The following GAS6 variants were observed in gnomAD, a reference collection of about 807,000 sequenced individuals.
GAS6 encodes the protein growth arrest specific 6, also known as growth arrest-specific protein 6.
In GAS6, 41 loss-of-function variants were observed where a neutral mutation model predicts 75.8. The observed-to-expected ratio is 0.54, with a 90% CI of 0.42 to 0.70. The LOEUF (loss-of-function observed/expected upper bound fraction) is 0.70, where lower values mean the gene tolerates loss of function less well. Ranked by LOEUF, GAS6 falls within the 30% of genes least tolerant of loss-of-function variation. The pLI, the probability that GAS6 is intolerant of heterozygous loss-of-function variation, is 0.00. For synonymous variants in GAS6, 432 were observed against 412.6 expected, an observed-to-expected ratio of 1.05 and a Z score of -0.57; for missense variants, 854 against 940.2, an observed-to-expected ratio of 0.91 and a Z score of 1.20.
In GAS6 at chr13:113,844,392, G is replaced by A. The variant is rs1214246515; in HGVS notation, c.343+2135C>T. 1.3e-5 allele frequency: 2 copies of A among 150,576 alleles called. No individual in the cohort carries two copies. Among genetic ancestry groups the A allele is most frequent in the East Asian group, 3.9e-4 (2 of 5,194 alleles). 9.3% of individuals were successfully genotyped at this position (150,576 alleles called of 1,614,324 possible). The stretch of plus-strand genomic sequence containing the variant: ...CTCCTCTTCATCCATGCAAGGAAGC[G>A]AGGCGACGCCTTGAAAAGGACGGCC... On this transcript the variant is annotated intron_variant, in intron 4 of 14. Coordinates refer to ENST00000327773, the MANE Select transcript of GAS6 (RefSeq NM_000820.4). This position sits in a 1 kb window ranked among gnomAD's most constrained non-coding sequence, Gnocchi z 5.7.
Position 113,864,029 on chromosome 13 carries a change from CGCGGCGGCGGCG to C in GAS6, c.-121_-110del, listed in dbSNP as rs565797652. On this transcript the variant is annotated 5_prime_UTR_variant, in exon 1 of 15. Transcript: ENST00000327773. ...GTCCTGGCGGCCCTGAAGGTCACAT[CGCGGCGGCGGCG>C]GCGGCGGCGGCTGCGGCACCTCAAG... is the stretch of plus-strand genomic sequence containing the variant. The C allele has an allele frequency of 6.0e-6, 6 of 1,003,376 alleles. No homozygotes were observed. Among genetic ancestry groups the C allele is most frequent in the Non-Finnish European group, 5.9e-6 (5 of 842,576 alleles). 62.2% of individuals were successfully genotyped at this position (1,003,376 alleles called of 1,614,324 possible). A position where few individuals can be genotyped will look rare whatever the true frequency, so the allele number is the denominator to read the frequency against.
intron 2 of GAS6, among the ~76,000 whole-genome samples, chr13:113,851,862 C>T (rs2051879139): frequency 6.6e-6 from 1 of 152,220 alleles, no homozygotes; most frequent in South Asian, 2.1e-4. Context: ...AGTTTACAAA[C>T]CCCCACGTGA....
At chr13:113,830,546 C>T (rs368138939) in intron 10 of GAS6, among the ~76,000 whole-genome samples, 2 of 50,418 alleles carry the variant, frequency 4.0e-5, no homozygotes, top group African/African-American at 2.1e-4. Context: ...CCACCTGCCC[C>T]GGGCCCCTCC....
In GAS6 at chr13:113,863,913, G is replaced by A. The variant is rs2051995001; in HGVS notation, c.8C>T (p.Pro3Leu). The A allele has an allele frequency of 2.3e-5, 27 of 1,169,004 alleles. No individual in the cohort carries two copies. In the South Asian group the frequency reaches 9.2e-4, roughly 40 times the overall value. The allele number at this position is 1,169,004 out of a possible 1,614,324, so 72.4% of individuals were successfully genotyped here. The change falls in exon 1 of 15, where the codon CCT (proline) becomes CTT (leucine). Residue 3 changes from proline (P) to leucine (L), a missense_variant. Physicochemically the swap from Pro to Leu is moderately conservative, Grantham distance 98. Transcript: ENST00000327773. This position sits in a 1 kb window ranked among gnomAD's most constrained non-coding sequence, Gnocchi z 9.4. ...GGCGGCGGGCCCGGGCGAGAGCGAA[G>A]GGGCCATGGCGGGCCGGGGACGCGC... The part of the protein sequence containing the change: MA[P>L]SLSPGPAALR...
intron 2 of GAS6, among the ~76,000 whole-genome samples, chr13:113,850,445 CAG>C (rs1259345400): frequency 3.3e-5 from 5 of 152,150 alleles, no homozygotes; most frequent in East Asian, 1.9e-4. Flanking sequence ...GTGAGGGCAA[CAG>C]GGGGAAGAAG....
intron 2 of GAS6, among the ~76,000 whole-genome samples, chr13:113,858,368 CATGTGTGT>C (rs2051931546): frequency 6.6e-6 from 1 of 151,930 alleles, no homozygotes; most frequent in Non-Finnish European, 1.5e-5. Context: ...TGAATGTGTG[CATGTGTGT>C]GCATGTCTGT....
chr13:113,834,830 G>A, intron 7 of GAS6, 158 bp from the exon 8 acceptor site: 1 of 680,368 alleles, frequency 1.5e-6, no homozygotes, highest in Non-Finnish European at 2.1e-6. Flanking sequence ...CCCCCCCACT[G>A]GAAAGCTAGG....
chr13:113,858,825 G>T (rs941733083), intron 2 of GAS6, among the ~76,000 whole-genome samples: 1 of 150,016 alleles, frequency 6.7e-6, no homozygotes, highest in South Asian at 2.1e-4. Context: ...ATGTGTGCAT[G>T]TATGTGTACA....
rs113943616 is a variant in GAS6 at position 113,824,160 on chromosome 13, G to C, written c.1478-610C>G. Among the ~76,000 whole-genome samples, 266 of 92,600 alleles carry C rather than the reference G, an allele frequency of 2.9e-3. 20 individuals carry two copies. The highest frequency in any genetic ancestry group is 0.019 in the African/African-American group (250 of 12,842). The allele number at this position is 92,600 out of a possible 152,430, so 60.7% of individuals were successfully genotyped here. On this transcript the variant is annotated intron_variant, in intron 12 of 14. Coordinates refer to ENST00000327773, the MANE Select transcript of GAS6 (RefSeq NM_000820.4). The stretch of plus-strand genomic sequence containing the variant: ...CTGGGGTCTGAGCTGTCGGGAGCAC[G>C]CGTGGTCTGGGGTCTGAGCTGTCAG...
chr13:113,862,036 G>T (rs1460642452), intron 2 of GAS6, among the ~76,000 whole-genome samples: 1 of 152,234 alleles, frequency 6.6e-6, no homozygotes, highest in Non-Finnish European at 1.5e-5. Flanking sequence ...GTATTAAAGT[G>T]ATGGGGTCCT....
intron 2 of GAS6, among the ~76,000 whole-genome samples, chr13:113,849,864 T>C (rs2051860124): frequency 6.6e-6 from 1 of 152,214 alleles, no homozygotes; most frequent in South Asian, 2.1e-4. Flanking sequence ...GCAGAAAGCA[T>C]ATGCTAATTC....
intron 5 of GAS6, chr13:113,839,448 C>G (rs2051752417): frequency 2.6e-6 from 1 of 384,322 alleles, no homozygotes; most frequent in Non-Finnish European, 4.6e-6. Context: ...GGTCTGCACT[C>G]AAGGACGGTC....
At chr13:113,826,826 G>A (rs899020259) in intron 12 of GAS6, among the ~76,000 whole-genome samples, 170 bp downstream of exon 12, 6 of 152,172 alleles carry the variant, frequency 3.9e-5, no homozygotes, top group Non-Finnish European at 8.8e-5. Flanking sequence ...ATCCTGAGAG[G>A]TGGGCCTCTG....
At chr13:113,851,101 G>A (rs775318494) in intron 2 of GAS6, among the ~76,000 whole-genome samples, 8 of 151,262 alleles carry the variant, frequency 5.3e-5, no homozygotes, top group African/African-American at 7.4e-5. Context: ...GTGGGTGGAT[G>A]AAAGAATGAA....
Position 113,845,592 on chromosome 13 carries a change from C to A in GAS6, c.343+935G>T, listed in dbSNP as rs2051827389. 6.6e-6 allele frequency: 1 copy of A among 150,494 alleles called. No homozygotes were observed. The highest frequency in any genetic ancestry group is 2.1e-4 in the South Asian group (1 of 4,820). 9.3% of individuals were successfully genotyped at this position (150,494 alleles called of 1,614,324 possible). On this transcript the variant is annotated intron_variant, in intron 4 of 14. Coordinates refer to ENST00000327773, the MANE Select transcript of GAS6 (RefSeq NM_000820.4). This position sits in a 1 kb window ranked among gnomAD's most constrained non-coding sequence, Gnocchi z 4.3. ...TTAAAATAATAAAAAAGACTTGTGG[C>A]AAGCTGAAAAAATTTTTGATAACTT...
intron 11 of GAS6, 25 bp downstream of exon 11, chr13:113,828,522 A>G (rs781622788): frequency 6.2e-7 from 1 of 1,603,612 alleles, no homozygotes; most frequent in Non-Finnish European, 8.5e-7. Flanking sequence ...CGGCGCGTCT[A>G]CACAGGGACA....
chr13:113,821,862 C>A, intron 14 of GAS6, 96 bp downstream of exon 14: 1 of 1,002,350 alleles, frequency 1.0e-6, no homozygotes, highest in Non-Finnish European at 1.4e-6. Flanking sequence ...GCATTCACTA[C>A]CAGAAACCCC....
In GAS6 at chr13:113,823,501, G is replaced by A. The variant is rs771766365; in HGVS notation, c.1527C>T (p.Val509=). Residue 509 remains valine (V), a synonymous_variant, in exon 13 of 15, where the codon GTC becomes GTT. Transcript: ENST00000327773. ...CTGCGGCTGGGCGGATGTGAGCCACGACTTCTACTTCCCAGGTTGATTCAG... is the reference window on the plus strand; with the variant it reads ...CTGCGGCTGGGCGGATGTGAGCCACAACTTCTACTTCCCAGGTTGATTCAG... ...VGTESTWEVE[V]VAHIRPAADT... 3.1e-6 allele frequency: 5 copies of A among 1,612,738 alleles called. No individual in the cohort carries two copies. The East Asian group carries it at 6.7e-5, about 22-fold the overall frequency.
At chr13:113,840,314 C>G (rs2051762258) in intron 4 of GAS6, 1 of 170,462 alleles carries the variant, frequency 5.9e-6, no homozygotes, top group African/African-American at 2.4e-5. Flanking sequence ...CAGGCCCAGG[C>G]TGCACTGCCA....
Sources: gnomAD v4.1 joint callset for allele counts (sites outside exome capture counted in the v4.1 genomes callset) on GRCh38, gnomAD v4.1.1 for gene constraint, Gnocchi (gnomAD v3.1) non-coding constraint, MANE v1.5 for transcripts, NCBI Gene and HGNC (gene_info 2026-07-23, HGNC 2026-07-21) for gene names.